PFKFB3: variants seen among roughly 807,000 people sequenced by gnomAD.
PFKFB3 encodes the protein 6-phosphofructo-2-kinase/fructose-2,6-bisphosphatase 3.
In PFKFB3, 33 loss-of-function variants were observed where a neutral mutation model predicts 68.0. The observed-to-expected ratio is 0.49, with a 90% confidence interval of 0.37 to 0.65. PFKFB3 has a LOEUF of 0.65. PFKFB3 is among the 30% of genes least tolerant of loss of function. PFKFB3 has a pLI of 0.00. For missense variants in PFKFB3, 586 were observed against 712.2 expected, an observed-to-expected ratio of 0.82 and a Z score of 2.02; for synonymous variants, 315 against 288.2, an observed-to-expected ratio of 1.09 and a Z score of -0.94.
chr10:6,221,453 A>G lies in PFKFB3; in HGVS notation c.904A>G (p.Lys302Glu). Residue 302 changes from lysine to glutamate, a missense_variant, in exon 9 of 15, where the codon AAG becomes GAG. Lys to Glu is a moderately conservative substitution (Grantham distance 56, BLOSUM62 1). Transcript: ENST00000379775. ...CCTGCGCGTGTGGACCAGCCAGCTGAAGAGCACCATCCAGACGGCCGAGGC... is the reference window on the plus strand; with the variant it reads ...CCTGCGCGTGTGGACCAGCCAGCTGGAGAGCACCATCCAGACGGCCGAGGC... ...KDLRVWTSQL[K>E]STIQTAEALR... 1 of 1,613,904 alleles carries G rather than the reference A, an allele frequency of 6.2e-7. No homozygotes were observed. The highest frequency in any genetic ancestry group is 8.5e-7 in the Non-Finnish European group (1 of 1,180,018).
chr10:6,299,266 A>G, the PFKFB3 span, among the ~76,000 whole-genome samples: 1 of 152,170 alleles, frequency 6.6e-6, no homozygotes, highest in African/African-American at 2.4e-5. Flanking sequence ...GCTGCTCTAG[A>G]CGAACCAGCT....
chr10:6,262,116 C>G, the PFKFB3 span, among the ~76,000 whole-genome samples: 1 of 151,618 alleles, frequency 6.6e-6, no homozygotes, highest in Non-Finnish European at 1.5e-5. Flanking sequence ...GTTTACCTAC[C>G]TAACAAACCT....
chr10:6,229,273 T>C lies in PFKFB3; in HGVS notation c.1515+2908T>C, dbSNP rs956216971. On this transcript the variant is annotated intron_variant, in intron 14 of 14. Coordinates refer to ENST00000379775, the MANE Select transcript of PFKFB3 (RefSeq NM_004566.4). The surrounding 1 kb of genome is among the most constrained non-coding windows in gnomAD (Gnocchi z 4.3). ...ATGTCCACGTTCCTTAAGACCACCC[T>C]GGGAGGTCGGCAGGGCAGTCAGTCC... The C allele has an allele frequency of 3.0e-5, 13 of 438,708 alleles. No individual in the cohort carries two copies. Among genetic ancestry groups the C allele is most frequent in the African/African-American group, 2.4e-4 (12 of 49,232 alleles). The allele number at this position is 438,708 out of a possible 1,614,324, so 27.2% of individuals were successfully genotyped here. A position where few individuals can be genotyped will look rare whatever the true frequency, so the allele number is the denominator to read the frequency against.
At chr10:6,309,600 C>T in the PFKFB3 span, among the ~76,000 whole-genome samples, 4 of 152,128 alleles carry the variant, frequency 2.6e-5, no homozygotes, top group East Asian at 1.9e-4. Context: ...CCAGCCCAGG[C>T]GACAGAGCAA....
chr10:6,262,484 T>G, the PFKFB3 span, among the ~76,000 whole-genome samples: 4 of 148,258 alleles, frequency 2.7e-5, no homozygotes, highest in African/African-American at 7.5e-5. Context: ...AAAAAAGCTG[T>G]CTTTGGATAT....
chr10:6,203,714 C>G (rs1207460144), intron 1 of PFKFB3, among the ~76,000 whole-genome samples: 3 of 152,108 alleles, frequency 2.0e-5, no homozygotes, highest in Non-Finnish European at 4.4e-5. Context: ...GCGCCTCCGC[C>G]CCTTTTCACC....
the PFKFB3 span, among the ~76,000 whole-genome samples, chr10:6,308,348 C>T: frequency 6.6e-6 from 1 of 152,036 alleles, no homozygotes; most frequent in South Asian, 2.1e-4. Flanking sequence ...CCCCATCTCT[C>T]CCAAAAATAC....
At chr10:6,309,553 T>A in the PFKFB3 span, among the ~76,000 whole-genome samples, 1 of 152,028 alleles carries the variant, frequency 6.6e-6, no homozygotes, top group Non-Finnish European at 1.5e-5. Context: ...ACCCAGGAGG[T>A]GGAGGTTGCA....
chr10:6,257,432 AGCC>A (rs1846503523), downstream of PFKFB3, among the ~76,000 whole-genome samples: 2 of 152,186 alleles, frequency 1.3e-5, no homozygotes, highest in African/African-American at 4.8e-5. Flanking sequence ...GGTTCCTTGA[AGCC>A]ATGTTTACAT....
At chr10:6,248,543 C>G (rs1448558178) in intron 14 of PFKFB3, among the ~76,000 whole-genome samples, 1 of 143,784 alleles carries the variant, frequency 7.0e-6, no homozygotes, top group African/African-American at 2.6e-5. Flanking sequence ...GCATGAGAAT[C>G]ACTTGAACCT....
the PFKFB3 span, among the ~76,000 whole-genome samples, chr10:6,270,539 G>C: frequency 6.6e-6 from 1 of 152,024 alleles, no homozygotes; most frequent in Admixed American, 6.6e-5. Flanking sequence ...TACACTCCTC[G>C]GCCACAGAGG....
Position 6,215,314 on chromosome 10 carries a change from G to C in PFKFB3, c.296G>C (p.Arg99Pro). 2 of 1,613,244 alleles carry C rather than the reference G, an allele frequency of 1.2e-6. No individual in the cohort carries two copies. Among genetic ancestry groups the C allele is most frequent in the Non-Finnish European group, 1.7e-6 (2 of 1,179,416 alleles). The change falls in exon 3 of 15, where the codon CGG (arginine) becomes CCG (proline). Residue 99 changes from arginine (R) to proline (P), a missense_variant. Physicochemically the swap from Arg to Pro is moderately radical, Grantham distance 103 (BLOSUM62 -2). Transcript: ENST00000379775. This position sits in a 1 kb window ranked among gnomAD's most constrained non-coding sequence, Gnocchi z 4.3. ...GACAATGAGGAAGCCATGAAAGTCC[G>C]GAAGTAAGGCTGGGCCGCGGGCGTA... ...RPDNEEAMKV[R>P]KQCALAALRD...
chr10:6,235,375 C>A lies in PFKFB3; in HGVS notation c.*2433C>A, dbSNP rs1312343329. Reference sequence around the variant, plus strand: ...GTTTCATTGTTAATTGGTTTGGGAGCCTCCTATGTGTGACTTATGACTTCT... The same window carrying A: ...GTTTCATTGTTAATTGGTTTGGGAGACTCCTATGTGTGACTTATGACTTCT... On this transcript the variant is annotated 3_prime_UTR_variant, in exon 15 of 15. Transcript: ENST00000379775. 3 of 152,188 alleles carry A rather than the reference C, an allele frequency of 2.0e-5. No homozygotes were observed. The highest frequency in any genetic ancestry group is 1.5e-5 in the Non-Finnish European group (1 of 68,026). The allele number at this position is 152,188 out of a possible 1,614,324, so 9.4% of individuals were successfully genotyped here. A position where few individuals can be genotyped will look rare whatever the true frequency, so the allele number is the denominator to read the frequency against.
chr10:6,315,976 A>T, the PFKFB3 span, among the ~76,000 whole-genome samples: 1 of 152,372 alleles, frequency 6.6e-6, no homozygotes, highest in Non-Finnish European at 1.5e-5. Context: ...TTTCATTCCA[A>T]AAAGAACCAT....
intron 1 of PFKFB3, among the ~76,000 whole-genome samples, chr10:6,211,795 A>G (rs1268334150): frequency 2.6e-5 from 4 of 152,210 alleles, no homozygotes; most frequent in Non-Finnish European, 4.4e-5. Context: ...ATCTGCTGAT[A>G]GCCTGTCTGT....
At chr10:6,270,014 C>T in the PFKFB3 span, among the ~76,000 whole-genome samples, 2 of 152,038 alleles carry the variant, frequency 1.3e-5, no homozygotes, top group African/African-American at 4.8e-5. Flanking sequence ...CACGTGTAGT[C>T]CCAGCCACTT....
the PFKFB3 span, among the ~76,000 whole-genome samples, chr10:6,266,533 G>T: frequency 6.6e-6 from 1 of 152,154 alleles, no homozygotes; most frequent in South Asian, 2.1e-4. Context: ...TGTTTCAGTG[G>T]CCAGAGTTGG....
At chr10:6,172,711 A>T (rs866685624) in intron 1 of PFKFB3, among the ~76,000 whole-genome samples, 22 of 152,150 alleles carry the variant, frequency 1.4e-4, no homozygotes, top group South Asian at 4.2e-4. Context: ...GGTTCCAGCT[A>T]CTTGGGAGGC....
At chr10:6,238,550 C>CT (rs200320262), downstream of PFKFB3, among the ~76,000 whole-genome samples, 554 of 135,012 alleles carry the variant, frequency 4.1e-3, 2 homozygotes, top group African/African-American at 0.011. Flanking sequence ...AGAACTAAAT[C>CT]TTTTTTTTTT....
Sources: gnomAD v4.1 joint callset for allele counts (sites outside exome capture counted in the v4.1 genomes callset) on GRCh38, gnomAD v4.1.1 for gene constraint, Gnocchi (gnomAD v3.1) non-coding constraint, MANE v1.5 for transcripts, NCBI Gene and HGNC (gene_info 2026-07-23, HGNC 2026-07-21) for gene names.